The following POLR2E variants were observed in gnomAD, a reference collection of about 807,000 sequenced individuals.
POLR2E encodes the protein RNA polymerase II, I and III subunit E.
POLR2E carries 35 observed loss-of-function variants against 29.8 expected under a neutral mutation model. The observed-to-expected ratio is 1.17, with a 90% CI of 0.90 to 1.55. The LOEUF (loss-of-function observed/expected upper bound fraction) is 1.55. Among genes scored for constraint, POLR2E ranks in the 40% most tolerant of loss-of-function variants. The pLI is 0.00. For missense variants in POLR2E, 287 were observed against 288.6 expected, an observed-to-expected ratio of 0.99 and a Z score of 0.04; for synonymous variants, 174 against 112.6, an observed-to-expected ratio of 1.55 and a Z score of -3.45.
intron 2 of POLR2E, 42 bp downstream of exon 2, chr19:1,093,862 T>C: frequency 3.3e-6 from 5 of 1,526,710 alleles, no homozygotes; most frequent in Non-Finnish European, 4.4e-6. Flanking sequence ...CGGCAGGTGC[T>C]CTGGTGGCTT....
intron 7 of POLR2E, among the ~76,000 whole-genome samples, 163 bp downstream of exon 7, chr19:1,089,309 T>C: frequency 6.6e-6 from 1 of 151,284 alleles, no homozygotes. Context: ...TCGGGTGGGG[T>C]CTGGGGGTCT....
rs12151169 is a variant in POLR2E at position 1,090,878 on chromosome 19, C to G, written c.429+30G>C. The G allele has an allele frequency of 6.9e-6, 11 of 1,596,096 alleles. No homozygotes were observed. The African/African-American group carries it at 1.3e-4, about 19-fold the overall frequency. Reference sequence around the variant, plus strand: ...AAACGCTGCATCTCTGCCGGCCCCACGCAGGCGGGATTCCGCGGCGCGCGC... The same window carrying G: ...AAACGCTGCATCTCTGCCGGCCCCAGGCAGGCGGGATTCCGCGGCGCGCGC... On this transcript the variant is annotated intron_variant, in intron 4 of 7. Transcript: ENST00000615234.
chr19:1,090,342 G>A (rs1445693816), intron 4 of POLR2E, among the ~76,000 whole-genome samples, 197 bp from the exon 5 acceptor site: 6 of 151,572 alleles, frequency 4.0e-5, no homozygotes, highest in African/African-American at 1.5e-4. Context: ...TGGGGCTTCT[G>A]AGGCAGACGG....
rs572796574 is a variant in POLR2E, at chr19:1,087,552, A to G, written c.*1183T>C. On this transcript the variant is annotated 3_prime_UTR_variant, in exon 8 of 8. Transcript: ENST00000615234. The stretch of plus-strand genomic sequence containing the variant: ...CCCTGGGAACCCCCATCCCCACCCA[A>G]CTCCCCAGTCCCGGGAACCCCCATC... The G allele has an allele frequency of 1.3e-5, 2 of 150,530 alleles. No homozygotes were observed. The highest frequency in any genetic ancestry group is 3.9e-4 in the East Asian group (2 of 5,124). The allele number at this position is 150,530 out of a possible 1,614,324, so 9.3% of individuals were successfully genotyped here. A position where few individuals can be genotyped will look rare whatever the true frequency, so the allele number is the denominator to read the frequency against.
Position 1,093,965 on chromosome 19 carries a change from G to A in POLR2E, c.171C>T (p.Asp57=), listed in dbSNP as rs754226271. ...KPSEGRPRRT[D]LTVLVAHNDD... is the part of the protein sequence containing the mutation. ...CGTTGTGGGCCACCAGCACGGTGAG[G>A]TCCGTGCGCCGCGGCCGCCCCTCAC... Residue 57 remains aspartate, a synonymous_variant, in exon 2 of 8, where the codon GAC becomes GAT. Transcript: ENST00000615234. The A allele has an allele frequency of 2.0e-5, 32 of 1,613,512 alleles. No individual in the cohort carries two copies. The highest frequency in any genetic ancestry group is 2.7e-5 in the African/African-American group (2 of 74,906).
intron 3 of POLR2E, 151 bp downstream of exon 3, chr19:1,091,641 T>G: frequency 1.6e-6 from 1 of 617,382 alleles, no homozygotes; most frequent in East Asian, 2.8e-5. Flanking sequence ...AGGGAGGCGG[T>G]CGGGGCTTGC....
chr19:1,093,799 A>C (rs1473437337), intron 2 of POLR2E, 105 bp downstream of exon 2: 4 of 1,437,200 alleles, frequency 2.8e-6, no homozygotes, highest in Non-Finnish European at 3.7e-6. Flanking sequence ...CTGGGCAGAG[A>C]GACAAATGCT....
At position 1,089,927 on chromosome 19, in the gene POLR2E, G is replaced by C; in HGVS notation, c.524C>G (p.Ala175Gly). The change falls in exon 6 of 8, where the codon GCG becomes GGG. Residue 175 changes from alanine to glycine, a missense_variant. Transcript: ENST00000615234. The stretch of plus-strand genomic sequence containing the variant: ...AAAGTAGCGCGCCACAGGGTCCCCC[G>C]CCTGGATCCTGGGCAGCTGGTTCTC... Reference protein sequence around the residue: ...LRENQLPRIQAGDPVARYFGI... With the variant: ...LRENQLPRIQGGDPVARYFGI... The C allele has an allele frequency of 6.2e-7, 1 of 1,612,760 alleles. No homozygotes were observed. Among genetic ancestry groups the C allele is most frequent in the Non-Finnish European group, 8.5e-7 (1 of 1,179,852 alleles).
chr19:1,093,503 C>T (rs2043881165), intron 2 of POLR2E, among the ~76,000 whole-genome samples: 1 of 151,870 alleles, frequency 6.6e-6, no homozygotes, highest in Non-Finnish European at 1.5e-5. Context: ...CTGGGGCGGG[C>T]AGGGGCCGCA....
chr19:1,092,186 G>T (rs534215280), intron 2 of POLR2E: 2 of 403,576 alleles, frequency 5.0e-6, no homozygotes, highest in Middle Eastern at 7.5e-4. Context: ...GACTCTGAGA[G>T]GCTCCCACCC....
In POLR2E at chr19:1,093,656, T is replaced by C. The variant is rs919272515; in HGVS notation, c.232+248A>G. ...GGGCTGGGGGTGAGTGGGGAGGCCCTTGTGACTCTCCTCGTTGGCAGGAAG... is the reference window on the plus strand; with the variant it reads ...GGGCTGGGGGTGAGTGGGGAGGCCCCTGTGACTCTCCTCGTTGGCAGGAAG... On this transcript the variant is annotated intron_variant, in intron 2 of 7. Transcript: ENST00000615234. 9.1e-6 allele frequency: 10 copies of C among 1,094,672 alleles called. No homozygotes were observed. The African/African-American group carries it at 1.5e-4, about 16-fold the overall frequency. The allele number at this position is 1,094,672 out of a possible 1,614,324, so 67.8% of individuals were successfully genotyped here. A position where few individuals can be genotyped will look rare whatever the true frequency, so the allele number is the denominator to read the frequency against.
At chr19:1,091,684 T>A (rs1431357457) in intron 3 of POLR2E, 108 bp downstream of exon 3, 1 of 733,066 alleles carries the variant, frequency 1.4e-6, no homozygotes, top group African/African-American at 1.7e-5. Context: ...CAGGGCACCC[T>A]GGCTGGCCTG....
rs976216153 is a variant in POLR2E, at chr19:1,087,591, C to T, written c.*1144G>A. On this transcript the variant is annotated 3_prime_UTR_variant, in exon 8 of 8. Transcript: ENST00000615234. ...GGAACCCCCATCCTACTTCCAGTCTCTGACGACTCTAGTGACCTCCTAGGA... is the reference window on the plus strand; with the variant it reads ...GGAACCCCCATCCTACTTCCAGTCTTTGACGACTCTAGTGACCTCCTAGGA... The T allele has an allele frequency of 5.9e-5, 9 of 152,166 alleles. No homozygotes were observed. Among genetic ancestry groups the T allele is most frequent in the African/African-American group, 1.9e-4 (8 of 41,408 alleles). 9.4% of individuals were successfully genotyped at this position (152,166 alleles called of 1,614,324 possible).
chr19:1,089,611 C>G lies in POLR2E; in HGVS notation c.568-60G>C. The G allele has an allele frequency of 1.3e-5, 18 of 1,438,988 alleles. No homozygotes were observed. The South Asian group carries it at 2.1e-4, about 17-fold the overall frequency. The allele number at this position is 1,438,988 out of a possible 1,614,324, so 89.1% of individuals were successfully genotyped here. On this transcript the variant is annotated intron_variant, in intron 6 of 7. Coordinates refer to ENST00000615234, the MANE Select transcript of POLR2E (RefSeq NM_002695.5). ...GAGGGGTCTCACTGCAGTCACCAGA[C>G]AGCAGGCGGGCAGCACACGGGCTGG...
At chr19:1,095,157 T>C in intron 1 of POLR2E, 102 bp downstream of exon 1, 2 of 1,274,558 alleles carry the variant, frequency 1.6e-6, no homozygotes, top group Non-Finnish European at 2.2e-6. Context: ...CCTTCATCGC[T>C]GCTGCTCCGA....
chr19:1,090,260 C>T, intron 4 of POLR2E, 115 bp from the exon 5 acceptor site: 2 of 882,690 alleles, frequency 2.3e-6, no homozygotes, highest in East Asian at 2.6e-5. Flanking sequence ...GAACCCCACC[C>T]CGATCCCCGG....
intron 4 of POLR2E, among the ~76,000 whole-genome samples, chr19:1,090,687 G>A (rs1345364856): frequency 6.6e-6 from 1 of 151,826 alleles, no homozygotes; most frequent in Non-Finnish European, 1.5e-5. Flanking sequence ...CAAAGTGCTG[G>A]GATTACATGT....
At chr19:1,092,072 A>C (rs2043844723) in intron 2 of POLR2E, among the ~76,000 whole-genome samples, 165 bp from the exon 3 acceptor site, 1 of 152,132 alleles carries the variant, frequency 6.6e-6, no homozygotes, top group African/African-American at 2.4e-5. Context: ...GCAGGATCCC[A>C]GGACAGGGGA....
Position 1,093,798 on chromosome 19 carries a change from G to C in POLR2E, c.232+106C>G, listed in dbSNP as rs750382474. 2.0e-5 allele frequency: 29 copies of C among 1,437,112 alleles called. No homozygotes were observed. In the African/African-American group the frequency reaches 2.0e-4, roughly 10 times the overall value. 89.0% of individuals were successfully genotyped at this position (1,437,112 alleles called of 1,614,324 possible). ...GAGTTTTCCTCCCAGACTGGGCAGAGAGACAAATGCTGGGCACCAGGCGAG... is the reference window on the plus strand; with the variant it reads ...GAGTTTTCCTCCCAGACTGGGCAGACAGACAAATGCTGGGCACCAGGCGAG... On this transcript the variant is annotated intron_variant, in intron 2 of 7. Transcript: ENST00000615234.
Sources: gnomAD v4.1 joint callset for allele counts (sites outside exome capture counted in the v4.1 genomes callset) on GRCh38, gnomAD v4.1.1 for gene constraint, MANE v1.5 for transcripts, NCBI Gene and HGNC (gene_info 2026-07-23, HGNC 2026-07-21) for gene names.